The following CCDC167 variants were observed in gnomAD, a reference collection of about 807,000 sequenced individuals.
CCDC167 encodes the protein coiled-coil domain-containing protein 167.
In CCDC167, 15 loss-of-function variants were observed where a neutral mutation model predicts 12.7. That is an observed-to-expected ratio of 1.18 (90% confidence interval 0.79 to 1.81). The LOEUF (loss-of-function observed/expected upper bound fraction) is 1.81. Among genes scored for constraint, CCDC167 ranks in the 40% most tolerant of loss-of-function variants. The pLI, the probability that CCDC167 is intolerant of heterozygous loss-of-function variation, is 0.00. For synonymous variants in CCDC167, 52 were observed against 49.0 expected (o/e 1.06, Z -0.26); for missense variants, 121 against 120.1 (o/e 1.01, Z -0.03).
chr6:37,494,190 C>T (rs1432190115), intron 1 of CCDC167, among the ~76,000 whole-genome samples: 1 of 151,924 alleles, frequency 6.6e-6, no homozygotes, highest in South Asian at 2.1e-4. Flanking sequence ...CTCAGCCTCC[C>T]GAGTAGCTGG....
chr6:37,499,333 G>A lies in CCDC167; in HGVS notation c.42+489C>T, dbSNP rs563452751. 2.6e-5 allele frequency among the ~76,000 whole-genome samples: 4 copies of A among 152,284 alleles called. No individual in the cohort carries two copies. In the South Asian group the frequency reaches 6.2e-4, roughly 24 times the overall value. ...TCCCAAAGTAATTTTGAAGGTACAA[G>A]CTTCCATACTCCGGAGGAAAAATTT... On this transcript the variant is annotated intron_variant, in intron 1 of 3. Transcript: ENST00000373408.
At position 37,482,956 on chromosome 6, in the gene CCDC167, T is replaced by C. The variant is rs924087889; in HGVS notation, c.*230A>G. 4 of 575,424 alleles carry C rather than the reference T, an allele frequency of 7.0e-6. No homozygotes were observed. The highest frequency in any genetic ancestry group is 1.3e-5 in the Non-Finnish European group (4 of 308,138). 35.6% of individuals were successfully genotyped at this position (575,424 alleles called of 1,614,324 possible). On this transcript the variant is annotated 3_prime_UTR_variant, in exon 4 of 4. Coordinates refer to ENST00000373408, the MANE Select transcript of CCDC167 (RefSeq NM_138493.3). ...GACGGGAACAGCTTTGTGTTCTTTA[T>C]TGCCTCTCCCTTGGGCTAAGGGAGG...
chr6:37,497,476 A>C (rs889047729), intron 1 of CCDC167, among the ~76,000 whole-genome samples: 1 of 145,650 alleles, frequency 6.9e-6, no homozygotes, highest in Admixed American at 6.9e-5. Flanking sequence ...TTTCTTCTAC[A>C]ACACATCACA....
chr6:37,484,691 G>A (rs1267447058), intron 3 of CCDC167, 119 bp downstream of exon 3: 4 of 1,147,862 alleles, frequency 3.5e-6, no homozygotes, highest in East Asian at 2.3e-5. Flanking sequence ...TCTGGGGGCT[G>A]GTTCCCTCCC....
intron 1 of CCDC167, 119 bp downstream of exon 1, chr6:37,499,703 G>A: frequency 8.8e-7 from 1 of 1,133,152 alleles, no homozygotes; most frequent in East Asian, 2.5e-5. Flanking sequence ...TCCCCAAACC[G>A]CGTCGCCCTC....
At chr6:37,486,509 C>G (rs1241810765) in intron 1 of CCDC167, among the ~76,000 whole-genome samples, 1 of 152,186 alleles carries the variant, frequency 6.6e-6, no homozygotes, top group East Asian at 1.9e-4. Flanking sequence ...TCAGCCACTT[C>G]CATGTCAGCC....
intron 1 of CCDC167, among the ~76,000 whole-genome samples, chr6:37,490,262 G>A (rs1195913756): frequency 2.0e-5 from 3 of 152,216 alleles, no homozygotes; most frequent in Non-Finnish European, 2.9e-5. Context: ...TGTGAAGGGT[G>A]TCCTGGGGAA....
At chr6:37,487,132 C>T (rs1220621103) in intron 1 of CCDC167, among the ~76,000 whole-genome samples, 3 of 152,196 alleles carry the variant, frequency 2.0e-5, no homozygotes, top group Non-Finnish European at 4.4e-5. Context: ...CAAACTTTAT[C>T]TTCCCAAACT....
intron 1 of CCDC167, among the ~76,000 whole-genome samples, 171 bp downstream of exon 1, chr6:37,499,651 C>T (rs1762139611): frequency 6.6e-6 from 1 of 152,160 alleles, no homozygotes; most frequent in South Asian, 2.1e-4. Context: ...GGCTCCCTGT[C>T]CTCCGGGAAC....
rs573565030 is a variant in CCDC167 at position 37,483,195 on chromosome 6, C to G, written c.285G>C (p.Trp95Cys). 5.0e-6 allele frequency: 8 copies of G among 1,613,204 alleles called. No homozygotes were observed. In the African/African-American group the frequency reaches 1.1e-4, roughly 21 times the overall value. The part of the protein sequence containing the change: ...FILLTLVYAY[W>C]TM Reference sequence around the variant, plus strand: ...TGGGGAAGTGCCAGGCTCACATGGTCCAGTAGGCATAGACGAGCGTCAGGA... The same window carrying G: ...TGGGGAAGTGCCAGGCTCACATGGTGCAGTAGGCATAGACGAGCGTCAGGA... The change falls in exon 4 of 4, where the codon TGG (tryptophan) becomes TGC (cysteine). Residue 95 changes from tryptophan (W) to cysteine (C), a missense_variant. By Grantham distance (215) the Trp-to-Cys change is radical. Transcript: ENST00000373408.
At position 37,493,939 on chromosome 6, in the gene CCDC167, C is replaced by CT. The variant is rs1313786896; in HGVS notation, c.42+5882dup. Among the ~76,000 whole-genome samples, 7 of 152,284 alleles carry CT rather than the reference C, an allele frequency of 4.6e-5. No individual in the cohort carries two copies. The East Asian group carries it at 9.6e-4, about 21-fold the overall frequency. On this transcript the variant is annotated intron_variant, in intron 1 of 3. Transcript: ENST00000373408. ...TTCTGCCTGCCCTGCCCCACGGAGG[C>CT]TACTGCAGTGGCTGGCACCATACAA...
At position 37,483,139 on chromosome 6, in the gene CCDC167, C is replaced by T. The variant is rs780990597; in HGVS notation, c.*47G>A. The T allele has an allele frequency of 1.3e-5, 19 of 1,464,820 alleles. No individual in the cohort carries two copies. The African/African-American group carries it at 2.4e-4, about 18-fold the overall frequency. 90.7% of individuals were successfully genotyped at this position (1,464,820 alleles called of 1,614,324 possible). On this transcript the variant is annotated 3_prime_UTR_variant, in exon 4 of 4. Coordinates refer to ENST00000373408, the MANE Select transcript of CCDC167 (RefSeq NM_138493.3). ...CTTGAAGTGCCTGCTTGATCCTGAT[C>T]AAGGGGCCAAGTGGAAGCCTGTGCT...
chr6:37,483,360 C>T, intron 3 of CCDC167, 71 bp from the exon 4 acceptor site: 5 of 1,001,944 alleles, frequency 5.0e-6, no homozygotes, highest in Non-Finnish European at 8.0e-6. Context: ...GCCTCTCCAA[C>T]GAGTGGGTAC....
At position 37,499,857 on chromosome 6, in the gene CCDC167, T is replaced by TA. The variant is rs1561801431; in HGVS notation, c.6dup (p.Lys3Ter). 1 of 1,614,168 alleles carries TA rather than the reference T, an allele frequency of 6.2e-7. No individual in the cohort carries two copies. The highest frequency in any genetic ancestry group is 1.7e-5 in the Admixed American group (1 of 60,028). On this transcript the variant is annotated frameshift_variant, in exon 1 of 4. Transcript: ENST00000373408. LOFTEE classifies it high-confidence loss of function. Reference sequence around the variant, plus strand: ...ACGCCCAGATTCTCCCGCTTCTTTTTAGTCATGTTACTTGCCGGGATCCCC... The same window carrying TA: ...ACGCCCAGATTCTCCCGCTTCTTTTTAAGTCATGTTACTTGCCGGGATCCCC...
chr6:37,485,008 C>T (rs1581762475), intron 2 of CCDC167, 92 bp downstream of exon 2: 1 of 1,456,132 alleles, frequency 6.9e-7, no homozygotes, highest in East Asian at 2.3e-5. Context: ...GACCCAAACC[C>T]TCTGCCTCAG....
chr6:37,498,663 A>G (rs1762127574), intron 1 of CCDC167, among the ~76,000 whole-genome samples: 1 of 152,072 alleles, frequency 6.6e-6, no homozygotes, highest in Admixed American at 6.6e-5. Context: ...CCGTCTCTAC[A>G]AAAATACAAA....
chr6:37,484,921 C>T (rs1220905981), intron 2 of CCDC167, 59 bp from the exon 3 acceptor site: 1 of 1,596,538 alleles, frequency 6.3e-7, no homozygotes, highest in African/African-American at 1.3e-5. Flanking sequence ...ACCCGAGGGG[C>T]AGCTGGCATG....
rs147891881 is a variant in CCDC167, at chr6:37,488,975, C to T, written c.43-3781G>A. Among the ~76,000 whole-genome samples the T allele has an allele frequency of 1.9e-3, 281 of 151,412 alleles. 1 individual carries two copies. The highest frequency in any genetic ancestry group is 6.4e-3 in the African/African-American group (264 of 41,224). On this transcript the variant is annotated intron_variant, in intron 1 of 3. Transcript: ENST00000373408. The stretch of plus-strand genomic sequence containing the variant: ...GGGTGTGGCTGGGCATGGTGGCTCA[C>T]GCCTGTAATTCCAGCACCTTGGGAG...
chr6:37,488,434 G>A (rs139689631), intron 1 of CCDC167, among the ~76,000 whole-genome samples: 87 of 152,352 alleles, frequency 5.7e-4, no homozygotes, highest in African/African-American at 2.0e-3. Flanking sequence ...ATGTGCAGTC[G>A]TTGGTTAGCT....
Sources: gnomAD v4.1 joint callset for allele counts (sites outside exome capture counted in the v4.1 genomes callset) on GRCh38, gnomAD v4.1.1 for gene constraint, MANE v1.5 for transcripts, NCBI Gene and HGNC (gene_info 2026-07-23, HGNC 2026-07-21) for gene names.